Variants in DNAH11 observed in about 807,000 individuals in gnomAD.
The protein encoded by DNAH11 is dynein axonemal heavy chain 11, also known as axonemal beta dynein heavy chain 11.
A neutral mutation model predicts 526.0 loss-of-function variants in DNAH11; 442 were observed. That is an observed-to-expected ratio of 0.84 (90% CI 0.78 to 0.91). DNAH11 has a LOEUF of 0.91. Ranked by LOEUF, DNAH11 falls within the 40% of genes least tolerant of loss-of-function variation. The pLI is 0.00. For missense variants in DNAH11, 6,989 were observed against 5,448.7 expected, an observed-to-expected ratio of 1.28 and a Z score of -8.90; for synonymous variants, 2,461 against 1,935.9, an observed-to-expected ratio of 1.27 and a Z score of -7.12.
At chr7:21,727,528 T>C (rs1001750699) in intron 45 of DNAH11, among the ~76,000 whole-genome samples, 1 of 152,236 alleles carries the variant, frequency 6.6e-6, no homozygotes, top group African/African-American at 2.4e-5. Flanking sequence ...TCTTCACTGT[T>C]TCTTTTCATA....
intron 43 of DNAH11, among the ~76,000 whole-genome samples, chr7:21,718,548 A>C (rs1784757107): frequency 6.6e-6 from 1 of 152,162 alleles, no homozygotes; most frequent in African/African-American, 2.4e-5. Context: ...TCTCATCTTC[A>C]TCTTGAGACA....
rs774318097 is a variant in DNAH11, at chr7:21,617,677, G to A, written c.4154G>A (p.Gly1385Asp). The change falls in exon 23 of 82, where the codon GGC (glycine) becomes GAC (aspartate). Residue 1385 changes from glycine (G) to aspartate (D), a missense_variant. Physicochemically the swap from Gly to Asp is moderately conservative, Grantham distance 94. Transcript: ENST00000409508. ...TGGGATGCTTACACGGGCCTGGAAG[G>A]CACAGTTAAGGACATGACAGCCTCC... ...RVWDAYTGLE[G>D]TVKDMTASLR... is the part of the protein sequence containing the mutation. 1 of 1,613,846 alleles carries A rather than the reference G, an allele frequency of 6.2e-7. No individual in the cohort carries two copies. The highest frequency in any genetic ancestry group is 8.5e-7 in the Non-Finnish European group (1 of 1,179,820).
intron 76 of DNAH11, among the ~76,000 whole-genome samples, chr7:21,892,060 CTTGAT>C (rs1784344998): frequency 6.6e-6 from 1 of 152,084 alleles, no homozygotes; most frequent in Admixed American, 6.5e-5. Flanking sequence ...ACATCAGAGT[CTTGAT>C]TTCCTCTCTG....
rs763405163 is a variant in DNAH11, at chr7:21,564,390, T to A, written c.1187T>A (p.Ile396Asn). The A allele has an allele frequency of 1.9e-6, 3 of 1,611,208 alleles. No individual in the cohort carries two copies. In the East Asian group the frequency reaches 6.7e-5, roughly 36 times the overall value. The change falls in exon 6 of 82, where the codon ATT becomes AAT. Residue 396 changes from isoleucine to asparagine, a missense_variant. Ile to Asn is a moderately radical substitution (Grantham distance 149). Transcript: ENST00000409508. ...TTGCAAGAGTTTTGTAATCTCTTCA[T>A]TAACCAGGTATGAAGCATCAAAAAA... ...VLLQEFCNLF[I>N]NQATAYLSPE...
chr7:21,852,407 A>T, intron 66 of DNAH11, 60 bp from the exon 67 acceptor site: 1 of 1,005,902 alleles, frequency 9.9e-7, no homozygotes, highest in Non-Finnish European at 1.3e-6. Context: ...ACTTCCTCTA[A>T]AAAAAAAAAA....
Position 21,681,686 on chromosome 7 carries a change from T to G in DNAH11, c.5460+9T>G, listed in dbSNP as rs970798716. Reference sequence around the variant, plus strand: ...AACTTATTTCTCAGAAGGCAAGTTGTTTGTAGAAATTTTATGTATTCATTA... The same window carrying G: ...AACTTATTTCTCAGAAGGCAAGTTGGTTGTAGAAATTTTATGTATTCATTA... On this transcript the variant is annotated intron_variant, in intron 31 of 81. Coordinates refer to ENST00000409508, the MANE Select transcript of DNAH11 (RefSeq NM_001277115.2). 6.2e-7 allele frequency: 1 copy of G among 1,613,788 alleles called. No homozygotes were observed. Among genetic ancestry groups the G allele is most frequent in the Non-Finnish European group, 8.5e-7 (1 of 1,179,726 alleles).
At chr7:21,853,532 T>C (rs1782720375) in intron 67 of DNAH11, among the ~76,000 whole-genome samples, 2 of 152,224 alleles carry the variant, frequency 1.3e-5, no homozygotes, top group African/African-American at 4.8e-5. Flanking sequence ...TCTTAATATA[T>C]CACCATGTAG....
intron 51 of DNAH11, among the ~76,000 whole-genome samples, chr7:21,745,973 C>G (rs1435633586): frequency 1.3e-5 from 2 of 152,288 alleles, no homozygotes; most frequent in African/African-American, 4.8e-5. Flanking sequence ...ATCAGTTAGG[C>G]TGCAGCATAG....
At chr7:21,627,168 A>G (rs567624321) in intron 25 of DNAH11, among the ~76,000 whole-genome samples, 1 of 152,170 alleles carries the variant, frequency 6.6e-6, no homozygotes, top group South Asian at 2.1e-4. Flanking sequence ...TATTCTGGTT[A>G]TTAATCCCTT....
chr7:21,570,241 A>G lies in DNAH11; in HGVS notation c.1367A>G (p.Gln456Arg). Reference sequence around the variant, plus strand: ...AGAAAGCTGAGACCATGGGATTTCCAGTCTCATCTGGTGTTTTGCAGATTT... The same window carrying G: ...AGAAAGCTGAGACCATGGGATTTCCGGTCTCATCTGGTGTTTTGCAGATTT... ...MGRKLRPWDF[Q>R]SHLVFCRFDK... Residue 456 changes from glutamine to arginine, a missense_variant, in exon 7 of 82, where the codon CAG becomes CGG. Coordinates refer to ENST00000409508, the MANE Select transcript of DNAH11 (RefSeq NM_001277115.2). 1.9e-6 allele frequency: 3 copies of G among 1,613,352 alleles called. No homozygotes were observed. The highest frequency in any genetic ancestry group is 3.3e-5 in the Admixed American group (2 of 59,994).
intron 25 of DNAH11, among the ~76,000 whole-genome samples, chr7:21,624,387 C>G (rs979209461): frequency 6.6e-6 from 1 of 152,042 alleles, no homozygotes; most frequent in African/African-American, 2.4e-5. Context: ...TAAAAGAATG[C>G]TGATTTTTGT....
chr7:21,552,006 C>T (rs1583474490), intron 2 of DNAH11, among the ~76,000 whole-genome samples: 1 of 152,168 alleles, frequency 6.6e-6, no homozygotes. Context: ...TTTCCACTCT[C>T]CTAGCAGCAG....
intron 65 of DNAH11, among the ~76,000 whole-genome samples, chr7:21,842,023 A>C (rs1245983206): frequency 1.3e-5 from 2 of 152,208 alleles, no homozygotes; most frequent in Non-Finnish European, 1.5e-5. Flanking sequence ...TTTAAAATGT[A>C]TATGTAGCTC....
chr7:21,582,345 T>A (rs538080131), intron 9 of DNAH11, among the ~76,000 whole-genome samples: 1 of 152,312 alleles, frequency 6.6e-6, no homozygotes, highest in South Asian at 2.1e-4. Context: ...AAAAATACCT[T>A]AATTCAGGAA....
chr7:21,602,309 A>C (rs1785121721), intron 18 of DNAH11, among the ~76,000 whole-genome samples: 1 of 152,176 alleles, frequency 6.6e-6, no homozygotes, highest in African/African-American at 2.4e-5. Context: ...ACTGCACTCT[A>C]GCATGGGGAC....
At chr7:21,729,937 T>C (rs534429627) in intron 45 of DNAH11, among the ~76,000 whole-genome samples, 1 of 152,348 alleles carries the variant, frequency 6.6e-6, no homozygotes, top group Non-Finnish European at 1.5e-5. Context: ...AGATACCACC[T>C]CACACCTGTT....
At chr7:21,744,007 G>A (rs757962) in intron 49 of DNAH11, among the ~76,000 whole-genome samples, 90,592 of 151,962 alleles carry the variant, frequency 0.6, 27,985 homozygotes, top group Non-Finnish European at 0.67. Context: ...TGAAGTATGA[G>A]TCTGGGCACT....
At chr7:21,757,679 C>T (rs1470791062) in intron 54 of DNAH11, among the ~76,000 whole-genome samples, 1 of 152,158 alleles carries the variant, frequency 6.6e-6, no homozygotes, top group African/African-American at 2.4e-5. Context: ...TAATTCACAG[C>T]TAAAGTCTGG....
At chr7:21,564,854 C>G (rs1198761843) in intron 6 of DNAH11, among the ~76,000 whole-genome samples, 1 of 151,798 alleles carries the variant, frequency 6.6e-6, no homozygotes, top group Non-Finnish European at 1.5e-5. Context: ...TTTAAAATCT[C>G]TTTTGTAATT....
Sources: allele counts gnomAD v4.1 joint callset (sites outside exome capture counted in the v4.1 genomes callset), GRCh38; gene constraint gnomAD v4.1.1; transcripts MANE v1.5; gene names NCBI Gene and HGNC (gene_info 2026-07-23, HGNC 2026-07-21).